MYO1D: variants seen among roughly 807,000 people sequenced by gnomAD.
The protein encoded by MYO1D is unconventional myosin-Id.
Under a neutral mutation model 122.0 loss-of-function variants are expected in MYO1D, and 83 were observed. The observed-to-expected ratio is 0.68, with a 90% CI of 0.57 to 0.82. The LOEUF (loss-of-function observed/expected upper bound fraction) is 0.82. Ranked by LOEUF, MYO1D falls within the 40% of genes least tolerant of loss-of-function variation. The pLI, the probability that MYO1D is intolerant of heterozygous loss-of-function variation, is 0.00. For missense variants in MYO1D, 1,157 were observed against 1,269.5 expected, an observed-to-expected ratio of 0.91 and a Z score of 1.35; for synonymous variants, 464 against 446.9, an observed-to-expected ratio of 1.04 and a Z score of -0.48.
chr17:32,654,509 G>A lies in MYO1D; in HGVS notation c.2458C>T (p.Gln820Ter). ...AGATAGTTGCCCTCCCAGGCCCTCT[G>A]GAGCCCGAGGTCAGCCCTTTGACCC... is the stretch of plus-strand genomic sequence containing the variant. ...LKGQRADLGL[Q>*]RAWEGNYLAS... The change falls in exon 18 of 22, where the codon CAG becomes TAG. Residue 820 changes from glutamine (Q) to a stop codon, truncating the protein, a stop_gained. Transcript: ENST00000318217. LOFTEE classifies it high-confidence loss of function. The A allele has an allele frequency of 6.2e-7, 1 of 1,613,888 alleles. No individual in the cohort carries two copies.
At chr17:32,522,081 C>CAAAAA (rs35096680) in intron 21 of MYO1D, among the ~76,000 whole-genome samples, 7 of 63,242 alleles carry the variant, frequency 1.1e-4, no homozygotes, top group African/African-American at 1.8e-4. Flanking sequence ...GACTCTGTCT[C>CAAAAA]AAAAAAAAAA....
Position 32,796,978 on chromosome 17 carries a change from G to T in MYO1D, c.96-16194C>A, listed in dbSNP as rs187989563. Among the ~76,000 whole-genome samples the T allele has an allele frequency of 6.3e-3, 926 of 146,350 alleles. 9 individuals carry two copies. Among genetic ancestry groups the T allele is most frequent in the African/African-American group, 0.022 (868 of 40,174 alleles). ...CTTAGTACACTGCATCACTTTTGTT[G>T]TTTTTTTTTTTGAGATGGAGTGTCG... On this transcript the variant is annotated intron_variant, in intron 1 of 21. Coordinates refer to ENST00000318217, the MANE Select transcript of MYO1D (RefSeq NM_015194.3).
intron 21 of MYO1D, among the ~76,000 whole-genome samples, chr17:32,514,766 CG>C (rs1005815584): frequency 6.6e-6 from 1 of 152,160 alleles, no homozygotes; most frequent in Non-Finnish European, 1.5e-5. Flanking sequence ...ATAACACATC[CG>C]GGAGTCAGAC....
In MYO1D at chr17:32,659,223, C is replaced by T. The variant is rs1189629502; in HGVS notation, c.2237G>A (p.Arg746His). 3.1e-6 allele frequency: 5 copies of T among 1,614,218 alleles called. No homozygotes were observed. The highest frequency in any genetic ancestry group is 2.2e-5 in the East Asian group (1 of 44,884). The change falls in exon 17 of 22, where the codon CGC becomes CAC. Residue 746 changes from arginine (R) to histidine (H), a missense_variant. Arg to His is a conservative substitution (Grantham distance 29, BLOSUM62 0). Coordinates refer to ENST00000318217, the MANE Select transcript of MYO1D (RefSeq NM_015194.3). The stretch of plus-strand genomic sequence containing the variant: ...TCGCATGGTCTTGACGCCATGGAAG[C>T]GTCTGGCCACCTCGTGGATGTACGA... The part of the protein sequence containing the change: ...VKSYIHEVAR[R>H]FHGVKTMRDY...
At chr17:32,503,137 A>C (rs976411445) in intron 21 of MYO1D, among the ~76,000 whole-genome samples, 6 of 152,264 alleles carry the variant, frequency 3.9e-5, no homozygotes, top group African/African-American at 1.4e-4. Context: ...TATGGAATGA[A>C]CAAACATGTT....
intron 17 of MYO1D, among the ~76,000 whole-genome samples, chr17:32,657,405 C>T (rs79272639): frequency 6.6e-6 from 1 of 152,208 alleles, no homozygotes; most frequent in Admixed American, 6.5e-5. Flanking sequence ...ATAGTTTTTA[C>T]ATTTTTACAT....
intron 14 of MYO1D, among the ~76,000 whole-genome samples, chr17:32,724,284 T>C (rs2089546035): frequency 1.3e-5 from 2 of 152,190 alleles, no homozygotes; most frequent in South Asian, 4.1e-4. Flanking sequence ...ATAAGCATTG[T>C]ACAAAATCAG....
rs561972651 is a variant in MYO1D at position 32,820,665 on chromosome 17, C to T, written c.96-39881G>A. On this transcript the variant is annotated intron_variant, in intron 1 of 21. Coordinates refer to ENST00000318217, the MANE Select transcript of MYO1D (RefSeq NM_015194.3). ...GAGGGCATATATGGTCAAGGGATGG[C>T]GGACATGGAGAGATATTGGTCAAAG... 1.5e-3 allele frequency among the ~76,000 whole-genome samples: 229 copies of T among 152,118 alleles called. 1 individual carries two copies. The highest frequency in any genetic ancestry group is 2.8e-3 in the Non-Finnish European group (191 of 68,008).
At chr17:32,812,089 C>T (rs1369916378) in intron 1 of MYO1D, among the ~76,000 whole-genome samples, 1 of 152,190 alleles carries the variant, frequency 6.6e-6, no homozygotes, top group East Asian at 1.9e-4. Flanking sequence ...CCAACACATT[C>T]TGCTATAAAA....
At chr17:32,539,050 T>C (rs539993516) in intron 21 of MYO1D, among the ~76,000 whole-genome samples, 7 of 140,778 alleles carry the variant, frequency 5.0e-5, no homozygotes, top group African/African-American at 1.7e-4. Flanking sequence ...CAAACCACCA[T>C]GGCACATGTT....
intron 21 of MYO1D, among the ~76,000 whole-genome samples, chr17:32,523,037 G>T (rs186302736): frequency 6.6e-6 from 1 of 152,114 alleles, no homozygotes. Context: ...GGATGGTCTC[G>T]ATCTCCTGAC....
intron 21 of MYO1D, chr17:32,594,626 T>C: frequency 1.6e-6 from 1 of 624,436 alleles, no homozygotes; most frequent in Non-Finnish European, 2.8e-6. Flanking sequence ...TTTTAGGTCT[T>C]ATAATATCTA....
intron 10 of MYO1D, among the ~76,000 whole-genome samples, chr17:32,757,484 T>C (rs1400034574): frequency 3.3e-5 from 5 of 152,112 alleles, no homozygotes; most frequent in Admixed American, 3.3e-4. Context: ...AGTACTGAGG[T>C]GAAGCAGTGT....
At chr17:32,735,749 C>G (rs2089694100) in intron 14 of MYO1D, among the ~76,000 whole-genome samples, 1 of 151,820 alleles carries the variant, frequency 6.6e-6, no homozygotes, top group Non-Finnish European at 1.5e-5. Flanking sequence ...TTGTTAGGTA[C>G]CATGTTAGTT....
At chr17:32,669,863 T>C (rs1343058721) in intron 16 of MYO1D, among the ~76,000 whole-genome samples, 1 of 152,040 alleles carries the variant, frequency 6.6e-6, no homozygotes, top group Admixed American at 6.5e-5. Flanking sequence ...ATAAGAGGCA[T>C]ACACATTTGT....
chr17:32,660,679 TA>T (rs111603452), intron 16 of MYO1D, among the ~76,000 whole-genome samples: 20,903 of 152,186 alleles, frequency 0.14, 1,910 homozygotes, highest in Middle Eastern at 0.24. Context: ...AGAGTTCACA[TA>T]TAAACAGAAT....
rs150428463 is a variant in MYO1D at position 32,635,516 on chromosome 17, C to T, written c.2709+3206G>A. ...GAGCTCAAGACCAGCCTGGTGAAAC[C>T]CCATCTCTACTAAAAATACAAAAAA... On this transcript the variant is annotated intron_variant, in intron 20 of 21. Coordinates refer to ENST00000318217, the MANE Select transcript of MYO1D (RefSeq NM_015194.3). Among the ~76,000 whole-genome samples the T allele has an allele frequency of 2.8e-3, 423 of 152,150 alleles. 5 individuals carry two copies. Among genetic ancestry groups the T allele is most frequent in the African/African-American group, 9.6e-3 (400 of 41,514 alleles).
intron 21 of MYO1D, among the ~76,000 whole-genome samples, chr17:32,584,492 T>C (rs558213785): frequency 6.6e-6 from 1 of 151,822 alleles, no homozygotes; most frequent in South Asian, 2.1e-4. Context: ...GTGAAATAGA[T>C]CTTCAGAACT....
chr17:32,613,560 G>A (rs1011642707), intron 20 of MYO1D, among the ~76,000 whole-genome samples: 3 of 151,962 alleles, frequency 2.0e-5, no homozygotes, highest in Non-Finnish European at 2.9e-5. Flanking sequence ...CAGATCACGA[G>A]GTCAGGAGAT....
Sources: gnomAD v4.1 joint callset for allele counts (sites outside exome capture counted in the v4.1 genomes callset) on GRCh38, gnomAD v4.1.1 for gene constraint, MANE v1.5 for transcripts, NCBI Gene and HGNC (gene_info 2026-07-23, HGNC 2026-07-21) for gene names.